FHIP2A: variants seen among roughly 807,000 people sequenced by gnomAD.
FHIP2A encodes the protein FHF complex subunit HOOK interacting protein 2A, also known as family with sequence similarity 160 member B1.
Under a neutral mutation model 93.5 loss-of-function variants are expected in FHIP2A, and 46 were observed. The ratio of observed to expected loss-of-function variants is 0.49; its 90% CI spans 0.39 to 0.63. The LOEUF (loss-of-function observed/expected upper bound fraction) is 0.63, where lower values mean the gene tolerates loss of function less well. FHIP2A is among the 20% of genes least tolerant of loss of function. The probability of loss-of-function intolerance (pLI) is 0.00; values close to 1 mark genes in which losing one functional copy is unlikely to be tolerated. For synonymous variants in FHIP2A, 332 were observed against 326.5 expected, an observed-to-expected ratio of 1.02 and a Z score of -0.18; for missense variants, 769 against 909.7, an observed-to-expected ratio of 0.85 and a Z score of 1.99.
intron 10 of FHIP2A, 80 bp downstream of exon 10, chr10:114,846,447 A>G (rs1167002602): frequency 1.9e-5 from 27 of 1,459,146 alleles, no homozygotes; most frequent in Non-Finnish European, 2.5e-5. Flanking sequence ...GATATTTTCA[A>G]TACAACCTCT....
chr10:114,897,957 T>C (rs1216185481), intron 16 of FHIP2A, among the ~76,000 whole-genome samples: 1 of 152,122 alleles, frequency 6.6e-6, no homozygotes, highest in African/African-American at 2.4e-5. Flanking sequence ...ATTATTACTA[T>C]TGGGATTGTG....
At chr10:114,825,348 A>G (rs1470659630) in intron 1 of FHIP2A, among the ~76,000 whole-genome samples, 1 of 152,138 alleles carries the variant, frequency 6.6e-6, no homozygotes, top group Non-Finnish European at 1.5e-5. Flanking sequence ...TTTAGTGTTG[A>G]CTGGATGTAT....
chr10:114,859,769 A>G (rs2083786836), intron 14 of FHIP2A, among the ~76,000 whole-genome samples: 2 of 152,228 alleles, frequency 1.3e-5, no homozygotes, highest in Non-Finnish European at 2.9e-5. Flanking sequence ...CATGTAAAAC[A>G]AGTGTGAGGA....
chr10:114,822,263 G>C, intron 1 of FHIP2A, 140 bp downstream of exon 1: 2 of 308,414 alleles, frequency 6.5e-6, no homozygotes, highest in Non-Finnish European at 1.0e-5. Flanking sequence ...CCCCAGGCGG[G>C]CGCCCTGGGC....
downstream of FHIP2A, among the ~76,000 whole-genome samples, chr10:114,866,984 A>C (rs904737444): frequency 6.6e-6 from 1 of 152,096 alleles, no homozygotes; most frequent in African/African-American, 2.4e-5. Context: ...TGAGGCAGGC[A>C]GATTACTTGA....
intron 1 of FHIP2A, among the ~76,000 whole-genome samples, chr10:114,823,482 TTTTATTTA>T (rs759295106): frequency 0.01 from 833 of 82,928 alleles, 9 homozygotes; most frequent in African/African-American, 0.026. Flanking sequence ...AATCATTTAA[TTTTATTTA>T]TTTATTTATT....
At chr10:114,856,307 T>A (rs955004285) in intron 14 of FHIP2A, among the ~76,000 whole-genome samples, 1 of 152,174 alleles carries the variant, frequency 6.6e-6, no homozygotes, top group South Asian at 2.1e-4. Flanking sequence ...TTTTCTTTTT[T>A]AACCTCTTAA....
At chr10:114,890,225 G>A (rs2083963765) in intron 16 of FHIP2A, among the ~76,000 whole-genome samples, 4 of 151,720 alleles carry the variant, frequency 2.6e-5, no homozygotes, top group Admixed American at 2.0e-4. Context: ...ACGAGGTTTC[G>A]CTATGTTGGC....
chr10:114,864,635 A>G lies in FHIP2A; in HGVS notation c.*3095A>G, dbSNP rs1262240280. The G allele has an allele frequency of 2.0e-6, 2 of 985,640 alleles. No homozygotes were observed. Among genetic ancestry groups the G allele is most frequent in the Non-Finnish European group, 2.4e-6 (2 of 829,876 alleles). 61.1% of individuals were successfully genotyped at this position (985,640 alleles called of 1,614,324 possible). The stretch of plus-strand genomic sequence containing the variant: ...TACTCTCTCTTCAAAGGAAGTTGTG[A>G]TCAAGTTCAACTTTTTGTGCTAACA... On this transcript the variant is annotated 3_prime_UTR_variant, in exon 17 of 17. Transcript: ENST00000369248.
chr10:114,833,868 A>C (rs572134335), intron 3 of FHIP2A, among the ~76,000 whole-genome samples: 2 of 152,196 alleles, frequency 1.3e-5, no homozygotes, highest in Non-Finnish European at 2.9e-5. Flanking sequence ...TATCAATAAT[A>C]TTTTATATTC....
chr10:114,891,741 C>T (rs1413686305), intron 16 of FHIP2A, among the ~76,000 whole-genome samples: 9 of 151,692 alleles, frequency 5.9e-5, no homozygotes, highest in African/African-American at 1.7e-4. Flanking sequence ...CTCAGCCTCC[C>T]GAGTAGCTGG....
intron 16 of FHIP2A, among the ~76,000 whole-genome samples, chr10:114,873,075 A>T (rs535054701): frequency 2.0e-4 from 31 of 152,224 alleles, no homozygotes; most frequent in Non-Finnish European, 4.1e-4. Flanking sequence ...AAAGGAAAGG[A>T]GTTGAGATGA....
chr10:114,875,980 GAGAA>G (rs776926441), intron 16 of FHIP2A, among the ~76,000 whole-genome samples: 138 of 151,000 alleles, frequency 9.1e-4, no homozygotes, highest in Non-Finnish European at 1.5e-3. Context: ...GAAGGTAAGA[GAGAA>G]AGAAAGAAAG....
At chr10:114,828,794 C>CT (rs1363396213) in intron 1 of FHIP2A, among the ~76,000 whole-genome samples, 1 of 151,992 alleles carries the variant, frequency 6.6e-6, no homozygotes, top group South Asian at 2.1e-4. Flanking sequence ...TTCTTGCAGT[C>CT]TTTTTTATTT....
intron 16 of FHIP2A, among the ~76,000 whole-genome samples, chr10:114,886,152 G>A (rs945974429): frequency 3.9e-5 from 6 of 152,142 alleles, no homozygotes; most frequent in Non-Finnish European, 8.8e-5. Context: ...ATTATTCTAA[G>A]CACATCACAT....
chr10:114,863,346 A>G lies in FHIP2A; in HGVS notation c.*1806A>G, dbSNP rs777108853. The G allele has an allele frequency of 2.6e-5, 26 of 986,282 alleles. No homozygotes were observed. In the Admixed American group the frequency reaches 4.3e-4, roughly 16 times the overall value. The allele number at this position is 986,282 out of a possible 1,614,324, so 61.1% of individuals were successfully genotyped here. ...GATATATGAGTATTTAAACTAAGGC[A>G]TTAAGAGATATTAGATATTTCTTAA... On this transcript the variant is annotated 3_prime_UTR_variant, in exon 17 of 17. Transcript: ENST00000369248.
In FHIP2A at chr10:114,846,294, A is replaced by C; in HGVS notation, c.1325A>C (p.Glu442Ala). The change falls in exon 10 of 17, where the codon GAA becomes GCA. Residue 442 changes from glutamate (E) to alanine (A), a missense_variant. Physicochemically the swap from Glu to Ala is moderately radical, Grantham distance 107. Coordinates refer to ENST00000369248, the MANE Select transcript of FHIP2A (RefSeq NM_020940.4). ...ATCCTTGGAGAACAGAGGGAACCAG[A>C]AACTCTGGCAGAAATCAGCAGACAT... ...FFILGEQREP[E>A]TLAEISRHPL... The C allele has an allele frequency of 6.2e-7, 1 of 1,614,200 alleles. No individual in the cohort carries two copies. The highest frequency in any genetic ancestry group is 8.5e-7 in the Non-Finnish European group (1 of 1,180,020).
At chr10:114,889,069 G>C (rs1450447047) in intron 16 of FHIP2A, among the ~76,000 whole-genome samples, 1 of 151,984 alleles carries the variant, frequency 6.6e-6, no homozygotes, top group Non-Finnish European at 1.5e-5. Flanking sequence ...GAAGTGCTGA[G>C]GCTGGTCTGA....
chr10:114,847,013 A>C, intron 11 of FHIP2A, 77 bp from the exon 12 acceptor site: 1 of 1,274,280 alleles, frequency 7.8e-7, no homozygotes, highest in Non-Finnish European at 1.1e-6. Flanking sequence ...TTTTCTAAGA[A>C]CATAGCAGAG....
Sources: allele counts gnomAD v4.1 joint callset (sites outside exome capture counted in the v4.1 genomes callset), GRCh38; gene constraint gnomAD v4.1.1; transcripts MANE v1.5; gene names NCBI Gene and HGNC (gene_info 2026-07-23, HGNC 2026-07-21).